The following LIPC variants were observed in gnomAD, a reference collection of about 807,000 sequenced individuals.
LIPC encodes lipase C, hepatic type, also known as hepatic triacylglycerol lipase.
Under a neutral mutation model 50.7 loss-of-function variants are expected in LIPC, and 44 were observed. The observed-to-expected ratio is 0.87, with a 90% confidence interval of 0.68 to 1.11. The LOEUF (loss-of-function observed/expected upper bound fraction) is 1.11, where lower values mean the gene tolerates loss of function less well. Ranked by LOEUF, LIPC falls within the 50% of genes most tolerant of loss-of-function variation. The pLI, the probability that LIPC is intolerant of heterozygous loss-of-function variation, is 0.00. For synonymous variants in LIPC, 271 were observed against 256.4 expected, an observed-to-expected ratio of 1.06 and a Z score of -0.54; for missense variants, 697 against 648.2, an observed-to-expected ratio of 1.08 and a Z score of -0.82.
chr15:58,504,770 C>T (rs116709327), intron 1 of LIPC, among the ~76,000 whole-genome samples: 2,681 of 152,336 alleles, frequency 0.018, 86 homozygotes, highest in African/African-American at 0.062. Context: ...CTTCACCAGA[C>T]AGCAGCACAC....
chr15:58,516,140 C>T (rs566055069), intron 1 of LIPC, among the ~76,000 whole-genome samples: 2 of 152,054 alleles, frequency 1.3e-5, no homozygotes, highest in East Asian at 3.9e-4. Context: ...AAAGGTGCTG[C>T]CCCATTGTCT....
chr15:58,477,108 T>C (rs1891025412), intron 1 of LIPC, among the ~76,000 whole-genome samples: 1 of 152,234 alleles, frequency 6.6e-6, no homozygotes, highest in South Asian at 2.1e-4. Context: ...AAAGATATTT[T>C]CCCTTCGACT....
In LIPC at chr15:58,567,313, A is replaced by G. The variant is rs1475725813; in HGVS notation, c.1389-1403A>G. Among the ~76,000 whole-genome samples the G allele has an allele frequency of 5.7e-4, 21 of 36,626 alleles. No individual in the cohort carries two copies. The East Asian group carries it at 0.014, about 25-fold the overall frequency. 24.0% of individuals were successfully genotyped at this position (36,626 alleles called of 152,430 possible). A position where few individuals can be genotyped will look rare whatever the true frequency, so the allele number is the denominator to read the frequency against. On this transcript the variant is annotated intron_variant, in intron 8 of 8. Transcript: ENST00000299022. Reference sequence around the variant, plus strand: ...TATATACATATATATATACATATATATGTATATGTGTATATATATATATAT... The same window carrying G: ...TATATACATATATATATACATATATGTGTATATGTGTATATATATATATAT...
At chr15:58,484,038 C>T (rs1455482117) in intron 1 of LIPC, among the ~76,000 whole-genome samples, 1 of 152,146 alleles carries the variant, frequency 6.6e-6, no homozygotes, top group African/African-American at 2.4e-5. Flanking sequence ...AATCTACCAA[C>T]AGTGTTCAGT....
At chr15:58,565,316 G>A in intron 8 of LIPC, 2 of 1,535,188 alleles carry the variant, frequency 1.3e-6, no homozygotes, top group South Asian at 1.2e-5. Flanking sequence ...CTTAGCTGGA[G>A]AGTAATTCCT....
At chr15:58,552,577 G>C (rs1285129470) in intron 6 of LIPC, among the ~76,000 whole-genome samples, 1 of 152,200 alleles carries the variant, frequency 6.6e-6, no homozygotes, top group Non-Finnish European at 1.5e-5. Flanking sequence ...CAGGCTCCCT[G>C]GGTCGGGGGT....
chr15:58,510,337 G>T (rs1595908700), intron 1 of LIPC, among the ~76,000 whole-genome samples: 2 of 152,202 alleles, frequency 1.3e-5, no homozygotes, highest in Admixed American at 1.3e-4. Context: ...CAGTTGACTT[G>T]CTTGCCTTTT....
intron 1 of LIPC, among the ~76,000 whole-genome samples, chr15:58,472,131 C>G (rs185477035): frequency 6.6e-6 from 1 of 151,730 alleles, no homozygotes; most frequent in East Asian, 1.9e-4. Context: ...ATTAGCCAGG[C>G]ATGGTGGCAC....
chr15:58,482,039 T>A (rs1891207658), intron 1 of LIPC, among the ~76,000 whole-genome samples: 1 of 152,204 alleles, frequency 6.6e-6, no homozygotes, highest in South Asian at 2.1e-4. Flanking sequence ...TGTCACTATA[T>A]TCGGTATTCT....
chr15:58,465,377 G>A (rs1237640172), intron 1 of LIPC, among the ~76,000 whole-genome samples: 16 of 152,196 alleles, frequency 1.1e-4, no homozygotes, highest in African/African-American at 3.9e-4. Flanking sequence ...CTCTTCAATA[G>A]TCTTAGTGTA....
chr15:58,472,984 T>G (rs7182229), intron 1 of LIPC, among the ~76,000 whole-genome samples: 127,938 of 152,108 alleles, frequency 0.84, 54,297 homozygotes, highest in Non-Finnish European at 0.89. Context: ...CATGGTTTTG[T>G]TAACTTTGAA....
At chr15:58,540,861 T>C (rs1893295126) in intron 2 of LIPC, among the ~76,000 whole-genome samples, 1 of 152,180 alleles carries the variant, frequency 6.6e-6, no homozygotes, top group Non-Finnish European at 1.5e-5. Flanking sequence ...TGGAGGGCAG[T>C]GTGATCTCAG....
intron 1 of LIPC, among the ~76,000 whole-genome samples, chr15:58,509,043 A>G (rs952142089): frequency 1.3e-5 from 2 of 152,194 alleles, no homozygotes; most frequent in Non-Finnish European, 2.9e-5. Context: ...ATGAAGGAAC[A>G]AAACTGAGCC....
chr15:58,563,019 A>G (rs943718155), intron 7 of LIPC, among the ~76,000 whole-genome samples: 18 of 152,206 alleles, frequency 1.2e-4, no homozygotes, highest in African/African-American at 3.6e-4. Flanking sequence ...AAATCGGTGC[A>G]TCCTTTTTAT....
At chr15:58,435,873 C>A (rs1246383089) in intron 1 of LIPC, 1 of 152,170 alleles carries the variant, frequency 6.6e-6, no homozygotes, top group African/African-American at 2.4e-5. Flanking sequence ...ATGGCGCCGT[C>A]GCACTCCATC....
chr15:58,444,794 G>C, intron 1 of LIPC, among the ~76,000 whole-genome samples: 1 of 152,178 alleles, frequency 6.6e-6, no homozygotes, highest in East Asian at 1.9e-4. Flanking sequence ...GAATTTGAGG[G>C]AACACAAAGT....
At chr15:58,467,894 C>A (rs1012532354) in intron 1 of LIPC, among the ~76,000 whole-genome samples, 2 of 152,138 alleles carry the variant, frequency 1.3e-5, no homozygotes, top group African/African-American at 2.4e-5. Context: ...GACTGCACAG[C>A]GGTTGAGAGC....
At chr15:58,444,078 G>T (rs1893602210) in intron 1 of LIPC, among the ~76,000 whole-genome samples, 1 of 152,192 alleles carries the variant, frequency 6.6e-6, no homozygotes, top group African/African-American at 2.4e-5. Flanking sequence ...GGCTACGATG[G>T]CTCAGCTTGG....
chr15:58,465,110 T>C (rs533632069), intron 1 of LIPC, among the ~76,000 whole-genome samples: 1 of 152,274 alleles, frequency 6.6e-6, no homozygotes, highest in South Asian at 2.1e-4. Flanking sequence ...ACCTTACTTT[T>C]CTGATGTTTT....
Sources: gnomAD v4.1 joint callset for allele counts (sites outside exome capture counted in the v4.1 genomes callset) on GRCh38, gnomAD v4.1.1 for gene constraint, MANE v1.5 for transcripts, NCBI Gene and HGNC (gene_info 2026-07-23, HGNC 2026-07-21) for gene names.